Variants in RNF111 observed in about 807,000 individuals in gnomAD.
RNF111 encodes E3 ubiquitin-protein ligase Arkadia.
Under a neutral mutation model 95.1 loss-of-function variants are expected in RNF111, and 17 were observed. The observed-to-expected ratio is 0.18, with a 90% confidence interval of 0.12 to 0.27. The LOEUF is 0.27. Ranked by LOEUF, RNF111 falls within the 10% of genes least tolerant of loss-of-function variation. The pLI is 1.00. For synonymous variants in RNF111, 440 were observed against 414.8 expected (o/e 1.06, Z -0.74); for missense variants, 1,189 against 1,210.4 (o/e 0.98, Z 0.26).
At chr15:59,039,069 AT>A (rs1473796836) in intron 2 of RNF111, among the ~76,000 whole-genome samples, 1 of 152,084 alleles carries the variant, frequency 6.6e-6, no homozygotes, top group Non-Finnish European at 1.5e-5. Flanking sequence ...TGTTCAAGTG[AT>A]TCTCCTGCCT....
intron 5 of RNF111, among the ~76,000 whole-genome samples, chr15:59,061,177 A>G (rs752637066): frequency 6.6e-6 from 1 of 152,196 alleles, no homozygotes; most frequent in African/African-American, 2.4e-5. Flanking sequence ...ACTTTTATAT[A>G]TAAATCTTTG....
At chr15:58,990,846 G>A (rs2038782033) in intron 1 of RNF111, among the ~76,000 whole-genome samples, 2 of 152,036 alleles carry the variant, frequency 1.3e-5, no homozygotes, top group Non-Finnish European at 2.9e-5. Flanking sequence ...TGTAATTATT[G>A]TTCAGTAAAA....
At chr15:59,019,764 G>A (rs1332896363) in intron 1 of RNF111, among the ~76,000 whole-genome samples, 1 of 152,082 alleles carries the variant, frequency 6.6e-6, no homozygotes, top group Non-Finnish European at 1.5e-5. Flanking sequence ...TTCGAGACCG[G>A]CCTGGCCAAC....
chr15:59,025,160 C>CA (rs1484189039), intron 1 of RNF111, among the ~76,000 whole-genome samples: 5 of 152,232 alleles, frequency 3.3e-5, no homozygotes, highest in Non-Finnish European at 5.9e-5. Flanking sequence ...GCAGGGATTA[C>CA]AGGCGTGAGC....
chr15:59,075,147 A>G (rs1396288797), intron 6 of RNF111, among the ~76,000 whole-genome samples: 4 of 152,234 alleles, frequency 2.6e-5, no homozygotes, highest in Non-Finnish European at 5.9e-5. Context: ...TATTAAGAGA[A>G]TTACCAAAAT....
At chr15:59,014,238 C>G (rs535620205) in intron 1 of RNF111, among the ~76,000 whole-genome samples, 12 of 152,154 alleles carry the variant, frequency 7.9e-5, no homozygotes, top group Non-Finnish European at 1.5e-4. Flanking sequence ...TCTTTACTTT[C>G]TGGCACTACC....
intron 1 of RNF111, among the ~76,000 whole-genome samples, chr15:59,021,256 T>C (rs978091547): frequency 7.2e-5 from 11 of 152,178 alleles, no homozygotes; most frequent in Admixed American, 6.5e-4. Context: ...GTTCAAGTGA[T>C]TCTCCTGTCT....
rs2041161194 is a variant in RNF111, at chr15:59,036,061, TTATTC to T, written c.880+4364_880+4368del. ...AAAGACATACCCGAGACTGGGTAAT[TTATTC>T]TATTTTTATTTATTTATTATTTTTT... On this transcript the variant is annotated intron_variant, in intron 2 of 13. Transcript: ENST00000348370. Among the ~76,000 whole-genome samples, 15 of 152,242 alleles carry T rather than the reference TTATTC, an allele frequency of 9.9e-5. No homozygotes were observed. The South Asian group carries it at 2.9e-3, about 29-fold the overall frequency.
intron 5 of RNF111, among the ~76,000 whole-genome samples, chr15:59,063,838 A>G (rs1173822231): frequency 1.3e-5 from 2 of 152,202 alleles, no homozygotes; most frequent in Non-Finnish European, 1.5e-5. Context: ...GGTTTGTAAA[A>G]TTAAAGTGTC....
chr15:58,997,491 T>C (rs1173514360), intron 1 of RNF111, among the ~76,000 whole-genome samples: 5 of 151,352 alleles, frequency 3.3e-5, no homozygotes, highest in African/African-American at 4.9e-5. Context: ...AATCACTATG[T>C]TCTTCATGAC....
Position 59,060,929 on chromosome 15 carries a change from C to G in RNF111, c.1366+2379C>G, listed in dbSNP as rs1211267209. Among the ~76,000 whole-genome samples the G allele has an allele frequency of 2.6e-5, 4 of 151,766 alleles. No homozygotes were observed. In the East Asian group the frequency reaches 7.7e-4, roughly 29 times the overall value. ...TGATCCTCCCGAGTAGATGGGGGACCACAGGCATGACCACCACGTCCGGCT... is the reference window on the plus strand; with the variant it reads ...TGATCCTCCCGAGTAGATGGGGGACGACAGGCATGACCACCACGTCCGGCT... On this transcript the variant is annotated intron_variant, in intron 5 of 13. Coordinates refer to ENST00000348370, the MANE Select transcript of RNF111 (RefSeq NM_017610.8).
In RNF111 at chr15:58,999,799, G is replaced by A. The variant is rs529694731; in HGVS notation, c.-20+11731G>A. On this transcript the variant is annotated intron_variant, in intron 1 of 13. Coordinates refer to ENST00000348370, the MANE Select transcript of RNF111 (RefSeq NM_017610.8). ...GCTCAAGGTTCCATAGGTTTTATAG[G>A]AAGCGTGGCAGCATCTGCTTCTGGG... 2.4e-4 allele frequency among the ~76,000 whole-genome samples: 36 copies of A among 152,266 alleles called. No individual in the cohort carries two copies. The South Asian group carries it at 5.0e-3, about 21-fold the overall frequency.
chr15:59,046,934 C>T (rs2041740303), intron 2 of RNF111, among the ~76,000 whole-genome samples: 1 of 152,082 alleles, frequency 6.6e-6, no homozygotes, highest in Admixed American at 6.5e-5. Context: ...ATGGCACAGT[C>T]TCGGCTCACT....
At chr15:59,084,063 A>G (rs755097097) in intron 8 of RNF111, 66 bp from the exon 9 acceptor site, 21 of 1,450,390 alleles carry the variant, frequency 1.4e-5, no homozygotes, top group Non-Finnish European at 1.9e-5. Context: ...TTTTTTCTAC[A>G]TTAAGAAAAG....
intron 1 of RNF111, among the ~76,000 whole-genome samples, chr15:59,019,369 G>T (rs1463222226): frequency 6.6e-6 from 1 of 152,038 alleles, no homozygotes; most frequent in Non-Finnish European, 1.5e-5. Context: ...GTTTTTAAAG[G>T]CCTGATATGT....
intron 6 of RNF111, among the ~76,000 whole-genome samples, chr15:59,070,544 C>T (rs1166560739): frequency 1.3e-5 from 2 of 152,030 alleles, no homozygotes; most frequent in Non-Finnish European, 2.9e-5. Context: ...ATTCTTAAAC[C>T]GTATTTACCT....
At chr15:58,990,757 T>C (rs1411970477) in intron 1 of RNF111, among the ~76,000 whole-genome samples, 1 of 152,252 alleles carries the variant, frequency 6.6e-6, no homozygotes, top group Non-Finnish European at 1.5e-5. Flanking sequence ...TTTCAGATGG[T>C]ACTAAAAATG....
rs1253275299 is a variant in RNF111 at position 59,081,219 on chromosome 15, A to G, written c.2232A>G (p.Arg744=). ...HIPATAPPAQ[R]LHPHEVMQRM... is the part of the protein sequence containing the mutation. ...CAGCCACAGCACCTCCAGCACAGAG[A>G]CTGCATCCTCATGAAGTGATGCAGA... Residue 744 remains arginine, a synonymous_variant, in exon 8 of 14, where the codon AGA becomes AGG. Transcript: ENST00000348370. 1 of 1,614,198 alleles carries G rather than the reference A, an allele frequency of 6.2e-7. No individual in the cohort carries two copies. The highest frequency in any genetic ancestry group is 2.2e-5 in the East Asian group (1 of 44,890).
chr15:59,016,327 G>A (rs916653123), intron 1 of RNF111, among the ~76,000 whole-genome samples: 4 of 151,844 alleles, frequency 2.6e-5, no homozygotes, highest in African/African-American at 9.7e-5. Context: ...GCACCACCAC[G>A]CCCAGCTGAT....
Sources: gnomAD v4.1 joint callset for allele counts (sites outside exome capture counted in the v4.1 genomes callset) on GRCh38, gnomAD v4.1.1 for gene constraint, MANE v1.5 for transcripts, NCBI Gene and HGNC (gene_info 2026-07-23, HGNC 2026-07-21) for gene names.